SNX30: variants seen among roughly 807,000 people sequenced by gnomAD.
SNX30 encodes sorting nexin family member 30, also known as sorting nexin-30.
In SNX30, 24 loss-of-function variants were observed where a neutral mutation model predicts 46.4. The ratio of observed to expected loss-of-function variants is 0.52; its 90% CI spans 0.37 to 0.73. SNX30 has a LOEUF of 0.73. Among genes scored for constraint, SNX30 ranks in the 30% least tolerant of loss-of-function variants. SNX30 has a pLI of 0.00. For synonymous variants in SNX30, 189 were observed against 211.5 expected, an observed-to-expected ratio of 0.89 and a Z score of 0.92; for missense variants, 533 against 555.7, an observed-to-expected ratio of 0.96 and a Z score of 0.41.
rs1214726187 is a variant in SNX30, at chr9:112,870,006, ATGCAACAGCGAGCCCTTTG to A, written c.*1166_*1184del. On this transcript the variant is annotated 3_prime_UTR_variant, in exon 9 of 9. Coordinates refer to ENST00000374232, the MANE Select transcript of SNX30 (RefSeq NM_001012994.2). ...CCTGGACGGGCCTCGAAAATGACAA[ATGCAACAGCGAGCCCTTTG>A]TGTCCAGCTAAGCTAAAGTCTCCTC... is the stretch of plus-strand genomic sequence containing the variant. The A allele has an allele frequency of 6.6e-6, 1 of 152,174 alleles. No individual in the cohort carries two copies. The highest frequency in any genetic ancestry group is 1.5e-5 in the Non-Finnish European group (1 of 68,032). 9.4% of individuals were successfully genotyped at this position (152,174 alleles called of 1,614,324 possible).
chr9:112,796,803 C>T (rs1831046471), intron 1 of SNX30, among the ~76,000 whole-genome samples: 1 of 152,170 alleles, frequency 6.6e-6, no homozygotes, highest in Non-Finnish European at 1.5e-5. Context: ...CACTTCTTCA[C>T]TCCGCCGTGT....
At chr9:112,833,170 C>T (rs139367940) in intron 4 of SNX30, among the ~76,000 whole-genome samples, 213 of 152,248 alleles carry the variant, frequency 1.4e-3, no homozygotes, top group African/African-American at 4.7e-3. Context: ...AGATCTGAAA[C>T]TCTATGCCCA....
At chr9:112,786,624 C>T (rs1402203718) in intron 1 of SNX30, among the ~76,000 whole-genome samples, 1 of 151,906 alleles carries the variant, frequency 6.6e-6, no homozygotes, top group Non-Finnish European at 1.5e-5. Context: ...GACTGTGTGA[C>T]CAGTATTAAA....
chr9:112,811,987 C>T (rs1245759348), intron 2 of SNX30, among the ~76,000 whole-genome samples: 2 of 152,106 alleles, frequency 1.3e-5, no homozygotes, highest in Admixed American at 6.6e-5. Flanking sequence ...TACTGTGAGT[C>T]CTATAAATGT....
chr9:112,882,844 CT>C (rs1250345841), downstream of SNX30, among the ~76,000 whole-genome samples: 1 of 151,982 alleles, frequency 6.6e-6, no homozygotes, highest in Non-Finnish European at 1.5e-5. Context: ...TTTGGAAGTA[CT>C]TTAGGTTGCT....
intron 1 of SNX30, among the ~76,000 whole-genome samples, chr9:112,784,208 CT>C (rs1317548375): frequency 6.6e-6 from 1 of 152,166 alleles, no homozygotes; most frequent in Non-Finnish European, 1.5e-5. Flanking sequence ...CACCTACCCC[CT>C]AGGTCAGGTA....
At chr9:112,786,852 A>T (rs1052152584) in intron 1 of SNX30, among the ~76,000 whole-genome samples, 7 of 152,084 alleles carry the variant, frequency 4.6e-5, no homozygotes, top group African/African-American at 1.7e-4. Flanking sequence ...CTGGTTACTT[A>T]GGTGTGAAAC....
At chr9:112,810,562 A>T (rs1266194620) in intron 2 of SNX30, among the ~76,000 whole-genome samples, 2 of 152,206 alleles carry the variant, frequency 1.3e-5, no homozygotes, top group African/African-American at 4.8e-5. Context: ...TGTTGGGAAG[A>T]GGAAGAGCCT....
chr9:112,850,914 C>G lies in SNX30; in HGVS notation c.1070C>G (p.Ala357Gly). The change falls in exon 7 of 9, where the codon GCT (alanine) becomes GGT (glycine). Residue 357 changes from alanine (A) to glycine (G), a missense_variant. This residue lies in a region of SNX30 where 261 missense variants were observed against 270.9 expected (regional missense o/e 0.96). Transcript: ENST00000374232. ...GCAGAGTATGAAGCCAAACTGGAAG[C>G]TGTGGCTCTGCGGAAGGAAGACCGC... ...VQAEYEAKLE[A>G]VALRKEDRPK... The G allele has an allele frequency of 2.5e-6, 4 of 1,614,032 alleles. No homozygotes were observed. Among genetic ancestry groups the G allele is most frequent in the Non-Finnish European group, 3.4e-6 (4 of 1,179,994 alleles).
Position 112,868,870 on chromosome 9 carries a change from C to A in SNX30, c.*27C>A. On this transcript the variant is annotated 3_prime_UTR_variant, in exon 9 of 9. Coordinates refer to ENST00000374232, the MANE Select transcript of SNX30 (RefSeq NM_001012994.2). ...GTTCTTTCTTGGGACGGAGACTCTT[C>A]TACCTACACAGGGCCTGGCACCCTA... 1 of 1,611,202 alleles carries A rather than the reference C, an allele frequency of 6.2e-7. No homozygotes were observed. The highest frequency in any genetic ancestry group is 8.5e-7 in the Non-Finnish European group (1 of 1,177,374).
intron 7 of SNX30, among the ~76,000 whole-genome samples, chr9:112,860,529 C>A (rs1379337273): frequency 6.6e-6 from 1 of 152,184 alleles, no homozygotes; most frequent in Non-Finnish European, 1.5e-5. Context: ...TTTTATTTCT[C>A]ATGGGCAGCC....
At chr9:112,770,680 C>T (rs1156272089) in intron 1 of SNX30, among the ~76,000 whole-genome samples, 1 of 152,122 alleles carries the variant, frequency 6.6e-6, no homozygotes, top group African/African-American at 2.4e-5. Flanking sequence ...ATTCAGGCCT[C>T]CCCCAACCTC....
intron 7 of SNX30, among the ~76,000 whole-genome samples, chr9:112,857,915 A>G (rs1334753382): frequency 6.6e-6 from 1 of 152,110 alleles, no homozygotes; most frequent in African/African-American, 2.4e-5. Context: ...AATTTAAGTT[A>G]CTGTCCCGTT....
At chr9:112,809,993 A>G (rs956097061) in intron 2 of SNX30, among the ~76,000 whole-genome samples, 23 of 152,058 alleles carry the variant, frequency 1.5e-4, no homozygotes, top group Non-Finnish European at 3.1e-4. Context: ...GGCTCCTGGG[A>G]AGGCGGAGGA....
intron 3 of SNX30, among the ~76,000 whole-genome samples, chr9:112,826,368 C>T (rs965585932): frequency 6.6e-6 from 1 of 151,986 alleles, no homozygotes; most frequent in African/African-American, 2.4e-5. Flanking sequence ...ACAGTGAAGT[C>T]GAGATAAGTG....
intron 1 of SNX30, 142 bp downstream of exon 1, chr9:112,751,299 C>A: frequency 9.0e-7 from 1 of 1,111,746 alleles, no homozygotes; most frequent in Non-Finnish European, 1.2e-6. Flanking sequence ...GCCCCGGAGC[C>A]CTCGGCGAAG....
chr9:112,762,147 T>C (rs1444044006), intron 1 of SNX30, among the ~76,000 whole-genome samples: 5 of 152,174 alleles, frequency 3.3e-5, no homozygotes, highest in Non-Finnish European at 5.9e-5. Flanking sequence ...TATGCTGTCT[T>C]ATGTCTGCCT....
rs1841025120 is a variant in SNX30, at chr9:112,851,469, T to C, written c.1101+524T>C. ...TGGTTCTGCACGGCAGGACTACAGC[T>C]TGGTCGAATTGGGGGAAAAAAGCCA... On this transcript the variant is annotated intron_variant, in intron 7 of 8. Transcript: ENST00000374232. 2.0e-5 allele frequency among the ~76,000 whole-genome samples: 3 copies of C among 152,218 alleles called. No homozygotes were observed. In the South Asian group the frequency reaches 6.2e-4, roughly 32 times the overall value.
intron 1 of SNX30, among the ~76,000 whole-genome samples, chr9:112,755,693 C>T (rs1273203743): frequency 3.3e-5 from 5 of 151,628 alleles, no homozygotes; most frequent in Non-Finnish European, 5.9e-5. Flanking sequence ...TCTACTGGCT[C>T]ACGTTGCTGA....
Sources: gnomAD v4.1 joint callset for allele counts (sites outside exome capture counted in the v4.1 genomes callset) on GRCh38, gnomAD v4.1.1 for gene constraint, gnomAD v4.1.1 regional missense constraint, MANE v1.5 for transcripts, NCBI Gene and HGNC (gene_info 2026-07-23, HGNC 2026-07-21) for gene names.